The following TCTN2 variants were observed in gnomAD, a reference collection of about 807,000 sequenced individuals.
TCTN2 encodes the protein tectonic-2.
Under a neutral mutation model 83.4 loss-of-function variants are expected in TCTN2, and 66 were observed. The observed-to-expected ratio is 0.79, with a 90% CI of 0.65 to 0.97. The LOEUF (loss-of-function observed/expected upper bound fraction) is 0.97. Among genes scored for constraint, TCTN2 ranks in the 50% least tolerant of loss-of-function variants. The pLI, the probability that TCTN2 is intolerant of heterozygous loss-of-function variation, is 0.00. For missense variants in TCTN2, 794 were observed against 858.1 expected (o/e 0.93, Z 0.93); for synonymous variants, 301 against 326.7 (o/e 0.92, Z 0.85).
At chr12:123,675,127 C>T (rs1955804880) in intron 4 of TCTN2, among the ~76,000 whole-genome samples, 2 of 152,188 alleles carry the variant, frequency 1.3e-5, no homozygotes, top group South Asian at 4.1e-4. Context: ...ATCCTCCCAC[C>T]ATGGCTTCCT....
rs1193311340 is a variant in TCTN2, at chr12:123,681,236, G to A, written c.564+1947G>A. Among the ~76,000 whole-genome samples the A allele has an allele frequency of 3.6e-5, 5 of 138,196 alleles. No individual in the cohort carries two copies. The South Asian group carries it at 9.0e-4, about 25-fold the overall frequency. 90.7% of individuals were successfully genotyped at this position (138,196 alleles called of 152,430 possible). ...CACACCACTGCATGTCAGCCTAGGC[G>A]ACAGAGCAAGACTCTCTTTCAAAAA... On this transcript the variant is annotated intron_variant, in intron 5 of 17. Coordinates refer to ENST00000303372, the MANE Select transcript of TCTN2 (RefSeq NM_024809.5).
At chr12:123,675,558 C>T (rs1955810468) in intron 4 of TCTN2, among the ~76,000 whole-genome samples, 3 of 152,174 alleles carry the variant, frequency 2.0e-5, no homozygotes, top group African/African-American at 7.2e-5. Flanking sequence ...TTTGACAGCT[C>T]CTTTCAGCAG....
chr12:123,703,027 T>C (rs533687411), intron 14 of TCTN2, among the ~76,000 whole-genome samples: 2 of 152,290 alleles, frequency 1.3e-5, no homozygotes, highest in Admixed American at 1.3e-4. Flanking sequence ...TGCTGGGTTT[T>C]CTCCAAGACG....
chr12:123,681,534 C>T (rs533345984), intron 5 of TCTN2, among the ~76,000 whole-genome samples: 1 of 152,330 alleles, frequency 6.6e-6, no homozygotes, highest in East Asian at 1.9e-4. Flanking sequence ...TAGCATGATG[C>T]TTTTAAGGTT....
At chr12:123,693,830 T>C (rs80238107) in intron 9 of TCTN2, among the ~76,000 whole-genome samples, 3 of 149,742 alleles carry the variant, frequency 2.0e-5, no homozygotes, top group Non-Finnish European at 4.4e-5. Context: ...TTTTTTTTTT[T>C]AATTGGAGAC....
At chr12:123,695,361 T>C (rs1956095615) in intron 11 of TCTN2, 64 bp downstream of exon 11, 18 of 1,071,268 alleles carry the variant, frequency 1.7e-5, no homozygotes, top group Non-Finnish European at 2.6e-5. Flanking sequence ...CTCCCAGCCA[T>C]CAGGATGGTT....
At chr12:123,676,350 C>T (rs1422926494) in intron 4 of TCTN2, among the ~76,000 whole-genome samples, 1 of 151,892 alleles carries the variant, frequency 6.6e-6, no homozygotes, top group African/African-American at 2.4e-5. Context: ...GGGCGGATCA[C>T]GAGGTCAGGA....
chr12:123,702,273 C>T (rs1956181354), intron 14 of TCTN2, among the ~76,000 whole-genome samples: 1 of 152,216 alleles, frequency 6.6e-6, no homozygotes, highest in Non-Finnish European at 1.5e-5. Context: ...CTGCCCCTCT[C>T]CTCTGCCTGG....
chr12:123,707,328 C>T, intron 17 of TCTN2: 1 of 610,458 alleles, frequency 1.6e-6, no homozygotes, highest in Non-Finnish European at 2.9e-6. Context: ...CTCACTGCAA[C>T]CATTGCCTCC....
intron 5 of TCTN2, among the ~76,000 whole-genome samples, chr12:123,685,262 G>C (rs1410021923): frequency 3.9e-5 from 6 of 152,032 alleles, no homozygotes; most frequent in Non-Finnish European, 7.4e-5. Context: ...CAATGCAGCA[G>C]CACTTTATAA....
At position 123,707,642 on chromosome 12, in the gene TCTN2, TTGC is replaced by T; in HGVS notation, c.2026_2028del (p.Leu677del). 1.9e-6 allele frequency: 3 copies of T among 1,614,264 alleles called. No individual in the cohort carries two copies. Among genetic ancestry groups the T allele is most frequent in the Non-Finnish European group, 1.7e-6 (2 of 1,180,052 alleles). On this transcript the variant is annotated inframe_deletion, in exon 18 of 18. Transcript: ENST00000303372. ...TCAGTGTGTTGCTAAGGGCTTACTGTTGCTGTTGTTCCTCACATTGGCCTTGTT... is the reference window on the plus strand; with the variant it reads ...TCAGTGTGTTGCTAAGGGCTTACTGTTGTTGTTCCTCACATTGGCCTTGTT...
chr12:123,685,077 A>C (rs1379228017), intron 5 of TCTN2, among the ~76,000 whole-genome samples: 1 of 151,170 alleles, frequency 6.6e-6, no homozygotes, highest in Non-Finnish European at 1.5e-5. Flanking sequence ...AGTAAAGTAC[A>C]TCATACATTT....
Position 123,688,144 on chromosome 12 carries a change from G to C in TCTN2, c.858G>C (p.Met286Ile), listed in dbSNP as rs371804063. Reference sequence around the variant, plus strand: ...GTTACAAACAAGGAGATCCCATTATGACTGTAAAGAAGGCATATTTTACTA... The same window carrying C: ...GTTACAAACAAGGAGATCCCATTATCACTGTAAAGAAGGCATATTTTACTA... ...DFGYKQGDPI[M>I]TVKKAYFTIP... Residue 286 changes from methionine (M) to isoleucine (I), a missense_variant, in exon 7 of 18, where the codon ATG becomes ATC. Transcript: ENST00000303372. The C allele has an allele frequency of 2.2e-5, 36 of 1,613,034 alleles. No individual in the cohort carries two copies. Among genetic ancestry groups the C allele is most frequent in the Non-Finnish European group, 3.1e-5 (36 of 1,179,492 alleles).
intron 5 of TCTN2, among the ~76,000 whole-genome samples, chr12:123,683,662 G>A (rs921540439): frequency 2.7e-5 from 4 of 149,664 alleles, no homozygotes; most frequent in Non-Finnish European, 4.5e-5. Context: ...TTTTTGAGAC[G>A]GAGCCTCGCT....
rs1956258318 is a variant in TCTN2 at position 123,708,362 on chromosome 12, A to C, written c.*649A>C. ...TTGTAGTCTTGTATGCTTCTCTATA[A>C]AATTTTAATAAATGAAATGTCTTAT... On this transcript the variant is annotated 3_prime_UTR_variant, in exon 18 of 18. Coordinates refer to ENST00000303372, the MANE Select transcript of TCTN2 (RefSeq NM_024809.5). 6.6e-6 allele frequency: 1 copy of C among 152,608 alleles called. No individual in the cohort carries two copies. 9.5% of individuals were successfully genotyped at this position (152,608 alleles called of 1,614,324 possible).
chr12:123,692,698 C>G lies in TCTN2; in HGVS notation c.1074C>G (p.Asp358Glu), dbSNP rs764847666. ...TPKVIYEEAT[D>E]LDKFITNTET... The stretch of plus-strand genomic sequence containing the variant: ...AAGTGATCTATGAGGAAGCAACTGA[C>G]CTAGACAAATTCATCACCAATACAG... Residue 358 changes from aspartate to glutamate, a missense_variant, in exon 9 of 18, where the codon GAC becomes GAG. Coordinates refer to ENST00000303372, the MANE Select transcript of TCTN2 (RefSeq NM_024809.5). 17 of 1,613,654 alleles carry G rather than the reference C, an allele frequency of 1.1e-5. No individual in the cohort carries two copies. Among genetic ancestry groups the G allele is most frequent in the Non-Finnish European group, 1.4e-5 (17 of 1,179,602 alleles).
chr12:123,683,188 A>G (rs1431664650), intron 5 of TCTN2, among the ~76,000 whole-genome samples: 1 of 151,586 alleles, frequency 6.6e-6, no homozygotes, highest in Non-Finnish European at 1.5e-5. Context: ...GTACCACTGC[A>G]CTCCAGCCTG....
intron 4 of TCTN2, among the ~76,000 whole-genome samples, chr12:123,674,327 G>A (rs1442139217): frequency 6.6e-6 from 1 of 151,980 alleles, no homozygotes; most frequent in Non-Finnish European, 1.5e-5. Context: ...CTGGAGTGCA[G>A]TGTTGTGATC....
chr12:123,689,031 C>T (rs887031645), intron 7 of TCTN2, among the ~76,000 whole-genome samples: 3 of 151,930 alleles, frequency 2.0e-5, no homozygotes, highest in African/African-American at 7.3e-5. Context: ...GCTGGGATTA[C>T]AGGCATGAGT....
Sources: gnomAD v4.1 joint callset for allele counts (sites outside exome capture counted in the v4.1 genomes callset) on GRCh38, gnomAD v4.1.1 for gene constraint, MANE v1.5 for transcripts, NCBI Gene and HGNC (gene_info 2026-07-23, HGNC 2026-07-21) for gene names.